Variants in MTMR4 observed in about 807,000 individuals in gnomAD.
MTMR4 encodes the protein myotubularin related protein 4.
A neutral mutation model predicts 125.5 loss-of-function variants in MTMR4; 30 were observed. The observed-to-expected ratio is 0.24, with a 90% CI of 0.18 to 0.32. The LOEUF (loss-of-function observed/expected upper bound fraction) is 0.32. Among genes scored for constraint, MTMR4 ranks in the 10% least tolerant of loss-of-function variants. MTMR4 has a pLI of 1.00. For missense variants in MTMR4, 1,039 were observed against 1,511.5 expected (o/e 0.69, Z 5.18); for synonymous variants, 498 against 564.5 (o/e 0.88, Z 1.67).
At chr17:58,505,072 T>C (rs778731027) in intron 10 of MTMR4, 98 bp from the exon 11 acceptor site, 8 of 1,236,366 alleles carry the variant, frequency 6.5e-6, no homozygotes, top group Non-Finnish European at 8.9e-6. Context: ...AAGTCCCCAT[T>C]GAGAACTGAA....
At position 58,504,360 on chromosome 17, in the gene MTMR4, A is replaced by G. The variant is rs1017730713; in HGVS notation, c.1470T>C (p.Ser490=). Reference sequence around the variant, plus strand: ...GGAACTGCTTAAGCAACTGATGAACAGAATCAAGCCACTGGAGGAACACAG... The same window carrying G: ...GGAACTGCTTAAGCAACTGATGAACGGAATCAAGCCACTGGAGGAACACAG... ...QCPVFLQWLD[S]VHQLLKQFPC... The change falls in exon 12 of 18, where the codon TCT becomes TCC. Residue 490 remains serine (S), a synonymous_variant. Transcript: ENST00000682306. This position sits in a 1 kb window ranked among gnomAD's most constrained non-coding sequence, Gnocchi z 7.1. The G allele has an allele frequency of 1.2e-6, 2 of 1,614,180 alleles. No homozygotes were observed. Among genetic ancestry groups the G allele is most frequent in the East Asian group, 2.2e-5 (1 of 44,880 alleles).
intron 4 of MTMR4, among the ~76,000 whole-genome samples, chr17:58,510,295 G>A (rs531305328): frequency 5.9e-5 from 9 of 152,128 alleles, no homozygotes; most frequent in Admixed American, 2.6e-4. Flanking sequence ...TCACCCACAC[G>A]TGCTCTACTC....
Position 58,514,564 on chromosome 17 carries a change from C to T in MTMR4, c.-157G>A. ...GGTGGCCGGGCCTCCGCGCGGCTCC[C>T]GCGCGCCTCTCCCCTCCTCTCCACA... On this transcript the variant is annotated 5_prime_UTR_variant, in exon 1 of 18. Transcript: ENST00000682306. The T allele has an allele frequency of 9.1e-6, 9 of 985,156 alleles. No individual in the cohort carries two copies. The highest frequency in any genetic ancestry group is 1.7e-5 in the African/African-American group (1 of 57,306). 61.0% of individuals were successfully genotyped at this position (985,156 alleles called of 1,614,324 possible). A position where few individuals can be genotyped will look rare whatever the true frequency, so the allele number is the denominator to read the frequency against.
At position 58,509,356 on chromosome 17, in the gene MTMR4, C is replaced by A. The variant is rs12602278; in HGVS notation, c.336-515G>T. On this transcript the variant is annotated intron_variant, in intron 4 of 17. Transcript: ENST00000682306. Reference sequence around the variant, plus strand: ...TTCCTTGAAGCCTTCCCAGCCTACTCTATTCCAGAAACTCCTTCCTCTCTT... The same window carrying A: ...TTCCTTGAAGCCTTCCCAGCCTACTATATTCCAGAAACTCCTTCCTCTCTT... Among the ~76,000 whole-genome samples, 46 of 151,350 alleles carry A rather than the reference C, an allele frequency of 3.0e-4. 2 individuals are homozygous for A. The East Asian group carries it at 8.6e-3, about 28-fold the overall frequency.
Position 58,508,625 on chromosome 17 carries a change from G to A in MTMR4, c.496+56C>T. 1.2e-6 allele frequency: 2 copies of A among 1,614,084 alleles called. No homozygotes were observed. The highest frequency in any genetic ancestry group is 1.7e-6 in the Non-Finnish European group (2 of 1,179,922). On this transcript the variant is annotated intron_variant, in intron 5 of 17. Transcript: ENST00000682306. This position sits in a 1 kb window ranked among gnomAD's most constrained non-coding sequence, Gnocchi z 4.8. ...AGCACCAATGTGCAGGAGTGGAGGA[G>A]GGATGAGAACTAAGGGGTAAGAAGC...
intron 17 of MTMR4, 80 bp downstream of exon 17, chr17:58,492,431 G>T: frequency 3.2e-6 from 4 of 1,252,404 alleles, no homozygotes; most frequent in Non-Finnish European, 4.6e-6. Flanking sequence ...GGCCTCCCAA[G>T]GTGTTGGCAT....
chr17:58,512,545 T>C lies in MTMR4; in HGVS notation c.136-39A>G. Reference sequence around the variant, plus strand: ...GAGAAACCTTCAGTCCAGAAGTGAGTGACCACCTTATCCTCTTCTACAGCC... The same window carrying C: ...GAGAAACCTTCAGTCCAGAAGTGAGCGACCACCTTATCCTCTTCTACAGCC... On this transcript the variant is annotated intron_variant, in intron 2 of 17. Transcript: ENST00000682306. The surrounding 1 kb of genome is among the most constrained non-coding windows in gnomAD (Gnocchi z 4.1). The C allele has an allele frequency of 6.7e-7, 1 of 1,495,900 alleles. No homozygotes were observed. The allele number at this position is 1,495,900 out of a possible 1,614,324, so 92.7% of individuals were successfully genotyped here.
intron 9 of MTMR4, 58 bp downstream of exon 9, chr17:58,506,685 C>T: frequency 1.3e-6 from 2 of 1,592,974 alleles, no homozygotes; most frequent in Non-Finnish European, 1.7e-6. Context: ...CCAACCCCCT[C>T]CTCACCAAAG....
chr17:58,509,119 C>T (rs1975857834), intron 4 of MTMR4, among the ~76,000 whole-genome samples: 1 of 152,094 alleles, frequency 6.6e-6, no homozygotes, highest in Non-Finnish European at 1.5e-5. Flanking sequence ...AATCTAAATG[C>T]TACCATGTGG....
At chr17:58,516,757 G>A (rs745928779), upstream of MTMR4, 32 of 745,986 alleles carry the variant, frequency 4.3e-5, no homozygotes, top group Non-Finnish European at 7.4e-5. Context: ...CTCTCCACAA[G>A]TCACCATGCC....
At chr17:58,507,771 C>CT (rs1268237463) in intron 7 of MTMR4, among the ~76,000 whole-genome samples, 2 of 152,092 alleles carry the variant, frequency 1.3e-5, no homozygotes, top group African/African-American at 2.4e-5. Context: ...TTCTTCTTTG[C>CT]TTTTTTTAAA....
Position 58,506,636 on chromosome 17 carries a change from C to T in MTMR4, c.1033+107G>A, listed in dbSNP as rs925414355. 4.9e-6 allele frequency: 7 copies of T among 1,430,756 alleles called. No homozygotes were observed. The African/African-American group carries it at 9.9e-5, about 20-fold the overall frequency. The allele number at this position is 1,430,756 out of a possible 1,614,324, so 88.6% of individuals were successfully genotyped here. A position where few individuals can be genotyped will look rare whatever the true frequency, so the allele number is the denominator to read the frequency against. ...TAGGTAGCAAAGTTGTGATTACAAG[C>T]CAGGTTTGTTTGGGCTCTTTCCACT... On this transcript the variant is annotated intron_variant, in intron 9 of 17. Transcript: ENST00000682306.
intron 7 of MTMR4, chr17:58,507,941 ACACAC>A (rs1975820323): frequency 4.2e-6 from 2 of 471,348 alleles, no homozygotes; most frequent in African/African-American, 3.9e-5. Flanking sequence ...ACACACACAC[ACACAC>A]ACACACACTC....
At chr17:58,516,873 A>G (rs529829867), upstream of MTMR4, among the ~76,000 whole-genome samples, 1 of 152,370 alleles carries the variant, frequency 6.6e-6, no homozygotes, top group South Asian at 2.1e-4. Context: ...ATCCAAGATT[A>G]TTCAGCAGAA....
In MTMR4 at chr17:58,494,958, G is replaced by A. The variant is rs1190654732; in HGVS notation, c.3226C>T (p.Pro1076Ser). ...IRHCCAPPAE[P>S]PMDYEDDFTC... ...AAATCATCCTCATAGTCCATGGGGG[G>A]CTCTGCTGGAGGGGCACAGCAGTGA... The change falls in exon 15 of 18, where the codon CCC (proline) becomes TCC (serine). Residue 1076 changes from proline (P) to serine (S), a missense_variant. Physicochemically the swap from Pro to Ser is moderately conservative, Grantham distance 74 (BLOSUM62 -1). This residue lies in a region of MTMR4 where 619 missense variants were observed against 714.5 expected (regional missense o/e 0.87). Transcript: ENST00000682306. The A allele has an allele frequency of 1.2e-6, 2 of 1,614,140 alleles. No homozygotes were observed. The highest frequency in any genetic ancestry group is 1.7e-5 in the Admixed American group (1 of 60,034).
Position 58,504,656 on chromosome 17 carries a change from A to G in MTMR4, c.1341+123T>C. 2 of 1,383,722 alleles carry G rather than the reference A, an allele frequency of 1.4e-6. No individual in the cohort carries two copies. Among genetic ancestry groups the G allele is most frequent in the Non-Finnish European group, 2.0e-6 (2 of 1,017,716 alleles). 85.7% of individuals were successfully genotyped at this position (1,383,722 alleles called of 1,614,324 possible). ...TTTCCAAGCCTTTGGGAGTTGGAAAAAAAAAGAAAAAAAGAGCCACCAATG... is the reference window on the plus strand; with the variant it reads ...TTTCCAAGCCTTTGGGAGTTGGAAAGAAAAAGAAAAAAAGAGCCACCAATG... On this transcript the variant is annotated intron_variant, in intron 11 of 17. Transcript: ENST00000682306. This position sits in a 1 kb window ranked among gnomAD's most constrained non-coding sequence, Gnocchi z 7.1.
intron 7 of MTMR4, 65 bp from the exon 8 acceptor site, chr17:58,507,384 G>A (rs538921966): frequency 6.7e-6 from 10 of 1,488,454 alleles, no homozygotes; most frequent in East Asian, 2.3e-5. Context: ...TACCTCAGGG[G>A]GTTAGACCAA....
In MTMR4 at chr17:58,495,259, T is replaced by G. The variant is rs747536347; in HGVS notation, c.2925A>C (p.Ser975=). 1 of 1,614,104 alleles carries G rather than the reference T, an allele frequency of 6.2e-7. No individual in the cohort carries two copies. The highest frequency in any genetic ancestry group is 8.5e-7 in the Non-Finnish European group (1 of 1,180,034). The change falls in exon 15 of 18, where the codon TCA becomes TCC. Residue 975 remains serine (S), a synonymous_variant. Coordinates refer to ENST00000682306, the MANE Select transcript of MTMR4 (RefSeq NM_001378067.1). Reference sequence around the variant, plus strand: ...CATTGGAATGACTAGAACAGACAGGTGACTTCACACCTTCTCTCTGAGCCC... The same window carrying G: ...CATTGGAATGACTAGAACAGACAGGGGACTTCACACCTTCTCTCTGAGCCC... ...GQWAQREGVK[S]PVCSSHSNGH...
chr17:58,492,543 T>C lies in MTMR4; in HGVS notation c.3420A>G (p.Glu1140=), dbSNP rs111687440. ...MASHCYNCDC[E]FWLAKRRHHC... ...GGTGTCTTCGTTTGGCCAACCAGAA[T>C]TCACAGTCACAGTTATAGCAGTGTG... Residue 1140 remains glutamate, a synonymous_variant, in exon 17 of 18, where the codon GAA becomes GAG. Coordinates refer to ENST00000682306, the MANE Select transcript of MTMR4 (RefSeq NM_001378067.1). The C allele has an allele frequency of 1.2e-6, 2 of 1,614,100 alleles. No homozygotes were observed. The highest frequency in any genetic ancestry group is 1.7e-6 in the Non-Finnish European group (2 of 1,180,014).
Sources: gnomAD v4.1 joint callset for allele counts (sites outside exome capture counted in the v4.1 genomes callset) on GRCh38, gnomAD v4.1.1 for gene constraint, gnomAD v4.1.1 regional missense constraint, Gnocchi (gnomAD v3.1) non-coding constraint, MANE v1.5 for transcripts, NCBI Gene and HGNC (gene_info 2026-07-23, HGNC 2026-07-21) for gene names.